SPTAN1: variants seen among roughly 807,000 people sequenced by gnomAD.
SPTAN1 encodes the protein spectrin alpha chain, non-erythrocytic 1.
In SPTAN1, 61 loss-of-function variants were observed where a neutral mutation model predicts 331.3. That is an observed-to-expected ratio of 0.18 (90% CI 0.15 to 0.23). The LOEUF (loss-of-function observed/expected upper bound fraction) is 0.23, where lower values mean the gene tolerates loss of function less well. Ranked by LOEUF, SPTAN1 falls within the 10% of genes least tolerant of loss-of-function variation. SPTAN1 has a pLI of 1.00. For missense variants in SPTAN1, 2,043 were observed against 3,147.9 expected (o/e 0.65, Z 8.40); for synonymous variants, 1,153 against 1,173.9 (o/e 0.98, Z 0.36).
intron 18 of SPTAN1, among the ~76,000 whole-genome samples, chr9:128,585,463 A>G (rs1445078920): frequency 3.3e-5 from 5 of 152,190 alleles, no homozygotes; most frequent in Admixed American, 2.0e-4. Context: ...ACTGAGCGCT[A>G]CAGTGGTACT....
rs1860192453 is a variant in SPTAN1, at chr9:128,633,583, C to T, written c.*249C>T. 1 of 1,089,126 alleles carries T rather than the reference C, an allele frequency of 9.2e-7. No individual in the cohort carries two copies. Among genetic ancestry groups the T allele is most frequent in the Non-Finnish European group, 1.3e-6 (1 of 749,632 alleles). 67.5% of individuals were successfully genotyped at this position (1,089,126 alleles called of 1,614,324 possible). A position where few individuals can be genotyped will look rare whatever the true frequency, so the allele number is the denominator to read the frequency against. ...GACTTCAGAAAATCGAAGCAGCTGGCTCCTCCCCTTGTTCTCTCTCCCACC... is the reference window on the plus strand; with the variant it reads ...GACTTCAGAAAATCGAAGCAGCTGGTTCCTCCCCTTGTTCTCTCTCCCACC... On this transcript the variant is annotated 3_prime_UTR_variant, in exon 57 of 57. Coordinates refer to ENST00000372739, the MANE Select transcript of SPTAN1 (RefSeq NM_001130438.3).
intron 1 of SPTAN1, among the ~76,000 whole-genome samples, chr9:128,559,721 C>T (rs1849068064): frequency 6.6e-6 from 1 of 151,964 alleles, no homozygotes; most frequent in African/African-American, 2.4e-5. Context: ...AAGACTCAAT[C>T]TTAAATAATT....
At chr9:128,603,419 T>C (rs1855428302) in intron 27 of SPTAN1, 124 bp from the exon 28 acceptor site, 2 of 998,546 alleles carry the variant, frequency 2.0e-6, no homozygotes, top group South Asian at 2.5e-5. Context: ...GTTAAGAATG[T>C]TGACAGTATC....
In SPTAN1 at chr9:128,625,940, A is replaced by C. The variant is rs781171208; in HGVS notation, c.6241A>C (p.Lys2081Gln). The change falls in exon 48 of 57, where the codon AAG becomes CAG. Residue 2081 changes from lysine (K) to glutamine (Q), a missense_variant. By Grantham distance (53) the Lys-to-Gln change is moderately conservative (BLOSUM62 1). Coordinates refer to ENST00000372739, the MANE Select transcript of SPTAN1 (RefSeq NM_001130438.3). The surrounding 1 kb of genome is among the most constrained non-coding windows in gnomAD (Gnocchi z 4.1). Reference sequence around the variant, plus strand: ...GCTTCTGGCCAACTCAGCCGCCCGCAAGAAGAAGCTTCTGGAGGCTCAGAG... The same window carrying C: ...GCTTCTGGCCAACTCAGCCGCCCGCCAGAAGAAGCTTCTGGAGGCTCAGAG... ...SQLLANSAAR[K>Q]KKLLEAQSHF... is the part of the protein sequence containing the mutation. 1 of 1,614,022 alleles carries C rather than the reference A, an allele frequency of 6.2e-7. No homozygotes were observed. Among genetic ancestry groups the C allele is most frequent in the African/African-American group, 1.3e-5 (1 of 74,920 alleles).
chr9:128,578,347 T>C, intron 9 of SPTAN1, 102 bp downstream of exon 9: 1 of 1,468,704 alleles, frequency 6.8e-7, no homozygotes, highest in South Asian at 1.2e-5. Flanking sequence ...GGTACCATGT[T>C]ATTCACAGGT....
rs1215361552 is a variant in SPTAN1, at chr9:128,629,968, C to G, written c.6708-353C>G. 2.5e-6 allele frequency: 1 copy of G among 393,310 alleles called. No individual in the cohort carries two copies. The allele number at this position is 393,310 out of a possible 1,614,324, so 24.4% of individuals were successfully genotyped here. A position where few individuals can be genotyped will look rare whatever the true frequency, so the allele number is the denominator to read the frequency against. ...CTGTCTGTCAGGTGTCAGGGTGTGC[C>G]ATCCCCCACATGGCTGCAGAGAGGA... On this transcript the variant is annotated intron_variant, in intron 51 of 56. Coordinates refer to ENST00000372739, the MANE Select transcript of SPTAN1 (RefSeq NM_001130438.3). This position sits in a 1 kb window ranked among gnomAD's most constrained non-coding sequence, Gnocchi z 4.9.
intron 1 of SPTAN1, among the ~76,000 whole-genome samples, chr9:128,565,848 A>G (rs1849970462): frequency 6.6e-6 from 1 of 152,176 alleles, no homozygotes; most frequent in African/African-American, 2.4e-5. Flanking sequence ...AGTGAACTCA[A>G]AAACCTCTCT....
At chr9:128,612,539 G>A (rs1856685982) in intron 39 of SPTAN1, among the ~76,000 whole-genome samples, 1 of 152,218 alleles carries the variant, frequency 6.6e-6, no homozygotes, top group East Asian at 1.9e-4. Flanking sequence ...ACAAGCCTAT[G>A]CCAGGTTAGA....
rs1854802503 is a variant in SPTAN1, at chr9:128,599,645, G to C, written c.3544-435G>C. 1.7e-5 allele frequency: 3 copies of C among 177,176 alleles called. No individual in the cohort carries two copies. In the South Asian group the frequency reaches 3.2e-4, roughly 19 times the overall value. 11.0% of individuals were successfully genotyped at this position (177,176 alleles called of 1,614,324 possible). A position where few individuals can be genotyped will look rare whatever the true frequency, so the allele number is the denominator to read the frequency against. The stretch of plus-strand genomic sequence containing the variant: ...GCAATCCTCCCACCTCAGCCTCCCA[G>C]GTATCTAGGACAACAGGCATGCAAC... On this transcript the variant is annotated intron_variant, in intron 26 of 56. Coordinates refer to ENST00000372739, the MANE Select transcript of SPTAN1 (RefSeq NM_001130438.3).
rs745887395 is a variant in SPTAN1, at chr9:128,611,749, G to A, written c.4809G>A (p.Glu1603=). 7.4e-6 allele frequency: 12 copies of A among 1,614,052 alleles called. No individual in the cohort carries two copies. In the South Asian group the frequency reaches 7.7e-5, roughly 10 times the overall value. Reference sequence around the variant, plus strand: ...AGAAGCACCAGGCTTTTGAAGCAGAGCTGCATGCCAACGCTGACCGGATCC... The same window carrying A: ...AGAAGCACCAGGCTTTTGAAGCAGAACTGCATGCCAACGCTGACCGGATCC... ...KHQKHQAFEA[E]LHANADRIRG... is the part of the protein sequence containing the mutation. The change falls in exon 38 of 57, where the codon GAG becomes GAA. Residue 1603 remains glutamate (E), a synonymous_variant. Transcript: ENST00000372739.
chr9:128,565,866 G>A (rs1481355246), intron 1 of SPTAN1, among the ~76,000 whole-genome samples: 1 of 152,164 alleles, frequency 6.6e-6, no homozygotes, highest in Admixed American at 6.5e-5. Context: ...TCTATAGGCT[G>A]TAATTTTGAA....
chr9:128,576,340 G>A (rs940403194), intron 5 of SPTAN1, among the ~76,000 whole-genome samples: 1 of 152,084 alleles, frequency 6.6e-6, no homozygotes, highest in Non-Finnish European at 1.5e-5. Flanking sequence ...CTTGAGACCA[G>A]CCTGGGTAAC....
At position 128,622,293 on chromosome 9, in the gene SPTAN1, CTTTTTTT is replaced by C. The variant is rs35122170; in HGVS notation, c.5832+1054_5832+1060del. On this transcript the variant is annotated intron_variant, in intron 45 of 56. Coordinates refer to ENST00000372739, the MANE Select transcript of SPTAN1 (RefSeq NM_001130438.3). ...CAGCCTCCTGGCAACGAGCCAGCTG[CTTTTTTT>C]TTTTTTTTTTTTTTTTGCGACGGAG... 1.9e-4 allele frequency among the ~76,000 whole-genome samples: 17 copies of C among 91,512 alleles called. 1 individual carries two copies. Among genetic ancestry groups the C allele is most frequent in the South Asian group, 4.3e-4 (1 of 2,346 alleles). 60.0% of individuals were successfully genotyped at this position (91,512 alleles called of 152,430 possible).
chr9:128,600,284 A>G (rs1854936509), intron 27 of SPTAN1, among the ~76,000 whole-genome samples, 169 bp downstream of exon 27: 1 of 152,176 alleles, frequency 6.6e-6, no homozygotes, highest in Non-Finnish European at 1.5e-5. Context: ...GTGATGCTTA[A>G]TATACAAAAG....
Position 128,627,501 on chromosome 9 carries a change from G to T in SPTAN1, c.6689+3G>T. ...CACCAGTGGATCCAAGAGACCAGGT[G>T]CCAGCCCGCTGGGGCCGGGGAGCAG... On this transcript the variant is annotated splice_donor_region_variant and intron_variant, in intron 50 of 56. Coordinates refer to ENST00000372739, the MANE Select transcript of SPTAN1 (RefSeq NM_001130438.3). This position sits in a 1 kb window ranked among gnomAD's most constrained non-coding sequence, Gnocchi z 4.9. 6.4e-7 allele frequency: 1 copy of T among 1,550,744 alleles called. No homozygotes were observed.
At chr9:128,589,074 C>A in intron 21 of SPTAN1, 131 bp downstream of exon 21, 2 of 1,286,194 alleles carry the variant, frequency 1.6e-6, no homozygotes, top group Non-Finnish European at 2.2e-6. Context: ...GTTTCCTCAC[C>A]AATCCCCCAC....
Position 128,621,129 on chromosome 9 carries a change from A to G in SPTAN1, c.5734-29A>G, listed in dbSNP as rs202220208. ...GCCCACAACACATAGCAGGCTCTCA[A>G]TAGTGTGCCTTGGCTGCTTCTACTC... On this transcript the variant is annotated intron_variant, in intron 44 of 56. Transcript: ENST00000372739. 14 of 1,608,372 alleles carry G rather than the reference A, an allele frequency of 8.7e-6. No individual in the cohort carries two copies. The East Asian group carries it at 2.0e-4, about 23-fold the overall frequency.
chr9:128,561,851 T>C (rs1849412226), intron 1 of SPTAN1, among the ~76,000 whole-genome samples: 1 of 152,008 alleles, frequency 6.6e-6, no homozygotes, highest in Non-Finnish European at 1.5e-5. Flanking sequence ...AGTTTCTTTA[T>C]TTCCAAGCTC....
chr9:128,584,903 C>G, intron 18 of SPTAN1, 60 bp downstream of exon 18: 2 of 1,610,118 alleles, frequency 1.2e-6, no homozygotes, highest in South Asian at 1.1e-5. Flanking sequence ...CCCTTCTTGC[C>G]GAGGGCATGG....
Sources: gnomAD v4.1 joint callset for allele counts (sites outside exome capture counted in the v4.1 genomes callset) on GRCh38, gnomAD v4.1.1 for gene constraint, Gnocchi (gnomAD v3.1) non-coding constraint, MANE v1.5 for transcripts, NCBI Gene and HGNC (gene_info 2026-07-23, HGNC 2026-07-21) for gene names.